Variants in ZNF442 observed in about 807,000 individuals in gnomAD.
ZNF442 encodes the protein zinc finger protein 442.
ZNF442 carries 45 observed loss-of-function variants against 57.0 expected under a neutral mutation model. The observed-to-expected ratio is 0.79, with a 90% CI of 0.62 to 1.01. The LOEUF is 1.01. Among genes scored for constraint, ZNF442 ranks in the 50% least tolerant of loss-of-function variants. The pLI is 0.00. For missense variants in ZNF442, 690 were observed against 756.5 expected, an observed-to-expected ratio of 0.91 and a Z score of 1.03; for synonymous variants, 213 against 241.8, an observed-to-expected ratio of 0.88 and a Z score of 1.10.
chr19:12,367,197 A>G (rs1484085906), upstream of ZNF442, among the ~76,000 whole-genome samples: 1 of 152,222 alleles, frequency 6.6e-6, no homozygotes, highest in African/African-American at 2.4e-5. Flanking sequence ...TAAGAGAAAG[A>G]GTACAAAGAG....
intron 3 of ZNF442, among the ~76,000 whole-genome samples, chr19:12,353,625 T>G (rs1969279746): frequency 6.6e-6 from 1 of 152,212 alleles, no homozygotes; most frequent in Non-Finnish European, 1.5e-5. Context: ...TTACCTTCTC[T>G]TCGGGAGCTT....
In ZNF442 at chr19:12,365,516, G is replaced by T; in HGVS notation, c.-483+17C>A. On this transcript the variant is annotated intron_variant, in intron 1 of 5. Coordinates refer to ENST00000242804, the MANE Select transcript of ZNF442 (RefSeq NM_030824.3). ...GTCCTTCGCCCTGCCCCAGGACGCC[G>T]GGCCCCGCACACTCACCATTTCCCG... 2 of 566,064 alleles carry T rather than the reference G, an allele frequency of 3.5e-6. No homozygotes were observed. The highest frequency in any genetic ancestry group is 1.8e-5 in the South Asian group (1 of 55,362). 35.1% of individuals were successfully genotyped at this position (566,064 alleles called of 1,614,324 possible). A position where few individuals can be genotyped will look rare whatever the true frequency, so the allele number is the denominator to read the frequency against.
intron 3 of ZNF442, among the ~76,000 whole-genome samples, chr19:12,354,902 A>G (rs1161403832): frequency 6.6e-6 from 1 of 152,218 alleles, no homozygotes; most frequent in Non-Finnish European, 1.5e-5. Context: ...TGTGACCAAT[A>G]AGCCTGCCAG....
chr19:12,371,760 C>T, the ZNF442 span, among the ~76,000 whole-genome samples: 1 of 152,296 alleles, frequency 6.6e-6, no homozygotes, highest in East Asian at 1.9e-4. Context: ...AAGACTGAAG[C>T]TGGACCCCTT....
In ZNF442 at chr19:12,348,894, A is replaced by C. The variant is rs972222854; in HGVS notation, c.*807T>G. The C allele has an allele frequency of 2.6e-5, 4 of 152,000 alleles. No individual in the cohort carries two copies. Among genetic ancestry groups the C allele is most frequent in the African/African-American group, 4.8e-5 (2 of 41,388 alleles). The allele number at this position is 152,000 out of a possible 1,614,324, so 9.4% of individuals were successfully genotyped here. ...AAGCAATCTATGATTGTTGAAAAAA[A>C]AGAAACTGTAGATTACAGGCTCATG... On this transcript the variant is annotated 3_prime_UTR_variant, in exon 6 of 6. Coordinates refer to ENST00000242804, the MANE Select transcript of ZNF442 (RefSeq NM_030824.3).
At chr19:12,352,286 C>T (rs138263276) in intron 4 of ZNF442, among the ~76,000 whole-genome samples, 2 of 152,108 alleles carry the variant, frequency 1.3e-5, no homozygotes, top group African/African-American at 4.8e-5. Flanking sequence ...GGTGCAATCT[C>T]GGCTCACTGC....
Position 12,353,126 on chromosome 19 carries a change from C to T in ZNF442, c.79-12G>A, listed in dbSNP as rs931204140. 3 of 1,604,256 alleles carry T rather than the reference C, an allele frequency of 1.9e-6. No homozygotes were observed. The highest frequency in any genetic ancestry group is 2.5e-6 in the Non-Finnish European group (3 of 1,177,108). On this transcript the variant is annotated splice_polypyrimidine_tract_variant and intron_variant, in intron 3 of 5. Transcript: ENST00000242804. ...AAGGCTACTGAATCCTGAAACACCC[C>T]ACATGTACAAAGGAGTAAGGCTGAG...
At position 12,351,254 on chromosome 19, in the gene ZNF442, G is replaced by C. The variant is rs764600310; in HGVS notation, c.331C>G (p.Pro111Ala). 5.0e-6 allele frequency: 8 copies of C among 1,613,746 alleles called. No individual in the cohort carries two copies. In the Admixed American group the frequency reaches 1.3e-4, roughly 27 times the overall value. Residue 111 changes from proline to alanine, a missense_variant, in exon 6 of 6, where the codon CCT (proline) becomes GCT (alanine). Physicochemically the swap from Pro to Ala is conservative, Grantham distance 27 (BLOSUM62 -1). Coordinates refer to ENST00000242804, the MANE Select transcript of ZNF442 (RefSeq NM_030824.3). ...CTGCTTTTACATGGATCTACTCCAG[G>C]AGGTTTTTCATTCACAGTACTATCT... ...QPDSTVNEKP[P>A]GVDPCKSSVC...
At chr19:12,365,479 C>T (rs1969517202) in intron 1 of ZNF442, 54 bp downstream of exon 1, 2 of 451,072 alleles carry the variant, frequency 4.4e-6, no homozygotes, top group East Asian at 7.1e-5. Flanking sequence ...CGGTTCTGGC[C>T]GGTTCCAACC....
upstream of ZNF442, among the ~76,000 whole-genome samples, chr19:12,370,663 T>A (rs1969573087): frequency 6.6e-6 from 1 of 151,560 alleles, no homozygotes; most frequent in African/African-American, 2.4e-5. Context: ...GAAAAAAAAA[T>A]GTTATCCACT....
chr19:12,357,508 T>C (rs536776733), intron 3 of ZNF442, among the ~76,000 whole-genome samples: 2 of 152,108 alleles, frequency 1.3e-5, no homozygotes, highest in African/African-American at 4.8e-5. Context: ...CCCATCACCA[T>C]GCCCAGCTAA....
chr19:12,349,779 A>G lies in ZNF442; in HGVS notation c.1806T>C (p.Cys602=), dbSNP rs758455118. 3 of 1,614,194 alleles carry G rather than the reference A, an allele frequency of 1.9e-6. No homozygotes were observed. The South Asian group carries it at 3.3e-5, about 18-fold the overall frequency. ...AACTCAGTGCCTTCCCACATTCCTT[A>G]CATTCATGCATCTTCTCTCCAGTGT... ...KTHTGEKMHE[C]KECGKALSSL... is the part of the protein sequence containing the mutation. The change falls in exon 6 of 6, where the codon TGT becomes TGC. Residue 602 remains cysteine (C), a synonymous_variant. Coordinates refer to ENST00000242804, the MANE Select transcript of ZNF442 (RefSeq NM_030824.3).
In ZNF442 at chr19:12,350,940, C is replaced by T; in HGVS notation, c.645G>A (p.Gly215=). 1 of 1,614,062 alleles carries T rather than the reference C, an allele frequency of 6.2e-7. No homozygotes were observed. The highest frequency in any genetic ancestry group is 2.2e-5 in the East Asian group (1 of 44,890). Residue 215 remains glycine, a synonymous_variant, in exon 6 of 6, where the codon GGG becomes GGA. Coordinates refer to ENST00000242804, the MANE Select transcript of ZNF442 (RefSeq NM_030824.3). ...GGGPYICKLC[G]KAFFWPSLFR... Reference sequence around the variant, plus strand: ...ATAAACTAGGCCAAAAAAAGGCTTTCCCACACAACTTACATATATAAGGTC... The same window carrying T: ...ATAAACTAGGCCAAAAAAAGGCTTTTCCACACAACTTACATATATAAGGTC...
chr19:12,351,910 G>A, intron 5 of ZNF442, 100 bp downstream of exon 5: 2 of 1,037,574 alleles, frequency 1.9e-6, no homozygotes, highest in Non-Finnish European at 2.9e-6. Flanking sequence ...AAATAAGTTT[G>A]TACTGGGCTC....
the ZNF442 span, among the ~76,000 whole-genome samples, chr19:12,373,383 CA>C: frequency 6.6e-6 from 1 of 150,808 alleles, no homozygotes; most frequent in African/African-American, 2.4e-5. Flanking sequence ...TTACCAAAAA[CA>C]AAAAAAAATT....
At chr19:12,363,028 G>C (rs974086538) in intron 3 of ZNF442, among the ~76,000 whole-genome samples, 1 of 151,566 alleles carries the variant, frequency 6.6e-6, no homozygotes, top group Non-Finnish European at 1.5e-5. Flanking sequence ...GTGTGGTGGT[G>C]CAGGCCTGTA....
At chr19:12,367,291 G>A (rs958719383), upstream of ZNF442, among the ~76,000 whole-genome samples, 1 of 152,196 alleles carries the variant, frequency 6.6e-6, no homozygotes, top group Non-Finnish European at 1.5e-5. Flanking sequence ...AAACCAGCAA[G>A]TTTTTATTAG....
Position 12,347,663 on chromosome 19 carries a change from C to T in ZNF442, c.*2038G>A, listed in dbSNP as rs1969149379. ...AATAACGGCCCTAACTGTAACAGAACAGCCAGGACTTCCCCAACCCCTCCC... is the reference window on the plus strand; with the variant it reads ...AATAACGGCCCTAACTGTAACAGAATAGCCAGGACTTCCCCAACCCCTCCC... On this transcript the variant is annotated 3_prime_UTR_variant, in exon 6 of 6. Coordinates refer to ENST00000242804, the MANE Select transcript of ZNF442 (RefSeq NM_030824.3). 1 of 152,242 alleles carries T rather than the reference C, an allele frequency of 6.6e-6. No homozygotes were observed. The allele number at this position is 152,242 out of a possible 1,614,324, so 9.4% of individuals were successfully genotyped here.
At chr19:12,369,030 T>C (rs141119941), upstream of ZNF442, among the ~76,000 whole-genome samples, 749 of 152,312 alleles carry the variant, frequency 4.9e-3, 16 homozygotes, top group African/African-American at 0.017. Context: ...ATTTCCCATA[T>C]TTGTATGAAA....
Sources: allele counts gnomAD v4.1 joint callset (sites outside exome capture counted in the v4.1 genomes callset), GRCh38; gene constraint gnomAD v4.1.1; transcripts MANE v1.5; gene names NCBI Gene and HGNC (gene_info 2026-07-23, HGNC 2026-07-21).